The following EVC variants were observed in gnomAD, a reference collection of about 807,000 sequenced individuals.
The protein encoded by EVC is evC complex member EVC.
Under a neutral mutation model 118.9 loss-of-function variants are expected in EVC, and 116 were observed. The observed-to-expected ratio is 0.98, with a 90% confidence interval of 0.84 to 1.14. The LOEUF is 1.14. EVC is among the 50% of genes most tolerant of loss of function. The pLI, the probability that EVC is intolerant of heterozygous loss-of-function variation, is 0.00. For missense variants in EVC, 1,401 were observed against 1,246.4 expected (o/e 1.12, Z -1.87); for synonymous variants, 619 against 534.7 (o/e 1.16, Z -2.18).
the EVC span, among the ~76,000 whole-genome samples, chr4:5,827,122 C>A: frequency 6.6e-6 from 1 of 152,192 alleles, no homozygotes; most frequent in East Asian, 1.9e-4. Context: ...TGGGACCCCC[C>A]GATCCTATTG....
chr4:5,753,393 A>G (rs1730692899), intron 9 of EVC, among the ~76,000 whole-genome samples: 1 of 152,146 alleles, frequency 6.6e-6, no homozygotes, highest in South Asian at 2.1e-4. Context: ...AGAAATTTAC[A>G]CAAAGTGGTC....
chr4:5,772,342 C>T (rs528421715), intron 11 of EVC, among the ~76,000 whole-genome samples: 2 of 147,876 alleles, frequency 1.4e-5, no homozygotes, highest in Admixed American at 7.0e-5. Flanking sequence ...CAAAGAGGTA[C>T]GGGGGAGAGA....
At chr4:5,713,807 G>A (rs762038340) in intron 1 of EVC, among the ~76,000 whole-genome samples, 82 of 152,248 alleles carry the variant, frequency 5.4e-4, no homozygotes, top group Non-Finnish European at 9.9e-4. Context: ...GGAGGCTAAG[G>A]CAAGAGAATC....
At chr4:5,766,858 T>C (rs1193096011) in intron 11 of EVC, among the ~76,000 whole-genome samples, 5 of 151,774 alleles carry the variant, frequency 3.3e-5, no homozygotes, top group South Asian at 4.2e-4. Context: ...AATTTCCTCC[T>C]GTAGCTCAGA....
At position 5,756,698 on chromosome 4, in the gene EVC, G is replaced by A. The variant is rs1731229342; in HGVS notation, c.1563+336G>A. Among the ~76,000 whole-genome samples, 2 of 152,206 alleles carry A rather than the reference G, an allele frequency of 1.3e-5. No individual in the cohort carries two copies. Among genetic ancestry groups the A allele is most frequent in the African/African-American group, 2.4e-5 (1 of 41,454 alleles). Reference sequence around the variant, plus strand: ...TTTCTGGGTGTCATCAGTGTAAAGTGGTGATGAAGAAGGGGTTCTGGGCTG... The same window carrying A: ...TTTCTGGGTGTCATCAGTGTAAAGTAGTGATGAAGAAGGGGTTCTGGGCTG... On this transcript the variant is annotated intron_variant, in intron 11 of 20. Transcript: ENST00000264956. This position sits in a 1 kb window ranked among gnomAD's most constrained non-coding sequence, Gnocchi z 4.2.
intron 4 of EVC, among the ~76,000 whole-genome samples, chr4:5,732,392 T>C (rs572499110): frequency 8.2e-4 from 125 of 152,342 alleles, no homozygotes; most frequent in Non-Finnish European, 1.4e-3. Context: ...AGCCTGAAAG[T>C]GGCCCAGGCA....
At chr4:5,803,014 T>C (rs1052092224) in intron 16 of EVC, among the ~76,000 whole-genome samples, 4 of 152,184 alleles carry the variant, frequency 2.6e-5, no homozygotes, top group African/African-American at 9.7e-5. Flanking sequence ...GCAGTGACCA[T>C]GAGTCCAGTG....
At chr4:5,790,111 G>T (rs1203739980) in intron 12 of EVC, among the ~76,000 whole-genome samples, 1 of 150,406 alleles carries the variant, frequency 6.6e-6, no homozygotes, top group Non-Finnish European at 1.5e-5. Flanking sequence ...AACTCGGGAA[G>T]CGGAGGTTGC....
At chr4:5,828,807 C>CTG in the EVC span, 57,887 of 1,061,696 alleles carry the variant, frequency 0.055, 2,253 homozygotes, top group African/African-American at 0.16. Context: ...CTTTTATTGA[C>CTG]TGTAATATTC....
intron 11 of EVC, among the ~76,000 whole-genome samples, chr4:5,763,278 T>G (rs201012069): frequency 0.88 from 125,968 of 143,930 alleles, 55,477 homozygotes; most frequent in African/African-American, 0.97. Flanking sequence ...TTTGGTACAA[T>G]TACCATGCTG....
At chr4:5,716,923 G>A (rs143532105) in intron 1 of EVC, among the ~76,000 whole-genome samples, 3 of 152,248 alleles carry the variant, frequency 2.0e-5, no homozygotes, top group Non-Finnish European at 4.4e-5. Context: ...GAATCTTAAA[G>A]AACCTTTACC....
intron 11 of EVC, among the ~76,000 whole-genome samples, chr4:5,761,304 G>A (rs12502689): frequency 0.25 from 37,308 of 151,886 alleles, 4,841 homozygotes; most frequent in African/African-American, 0.32. Flanking sequence ...GATGAGCCCA[G>A]ATCTGGGTCC....
chr4:5,820,572 C>A, the EVC span, among the ~76,000 whole-genome samples: 1 of 152,256 alleles, frequency 6.6e-6, no homozygotes, highest in African/African-American at 2.4e-5. Flanking sequence ...GCCCATCAGC[C>A]GTCTTCCCTC....
chr4:5,729,815 T>C (rs1450753344), intron 3 of EVC, among the ~76,000 whole-genome samples: 2 of 152,192 alleles, frequency 1.3e-5, no homozygotes, highest in Non-Finnish European at 2.9e-5. Flanking sequence ...CTTGGTGTTA[T>C]GCCTATCAGG....
At chr4:5,718,042 T>C (rs543428450) in intron 1 of EVC, among the ~76,000 whole-genome samples, 1 of 152,330 alleles carries the variant, frequency 6.6e-6, no homozygotes, top group East Asian at 1.9e-4. Flanking sequence ...GATGTTTCTT[T>C]AGTGCAAAGA....
rs917404360 is a variant in EVC, at chr4:5,756,549, T to C, written c.1563+187T>C. ...TTGCCCACATCAGAAACCGAGGCAGTTGGCCTTGGTCCTCTCTGAGGCACC... is the reference window on the plus strand; with the variant it reads ...TTGCCCACATCAGAAACCGAGGCAGCTGGCCTTGGTCCTCTCTGAGGCACC... On this transcript the variant is annotated intron_variant, in intron 11 of 20. Coordinates refer to ENST00000264956, the MANE Select transcript of EVC (RefSeq NM_153717.3). The surrounding 1 kb of genome is among the most constrained non-coding windows in gnomAD (Gnocchi z 4.2). 1.3e-5 allele frequency among the ~76,000 whole-genome samples: 2 copies of C among 152,188 alleles called. No homozygotes were observed. Among genetic ancestry groups the C allele is most frequent in the Non-Finnish European group, 2.9e-5 (2 of 68,038 alleles).
chr4:5,741,238 C>T (rs1728519993), intron 5 of EVC, among the ~76,000 whole-genome samples: 1 of 152,190 alleles, frequency 6.6e-6, no homozygotes. Context: ...TCTGTACTTC[C>T]TGGGTATCCC....
At chr4:5,807,290 G>A (rs1176967495) in intron 17 of EVC, among the ~76,000 whole-genome samples, 1 of 152,186 alleles carries the variant, frequency 6.6e-6, no homozygotes, top group African/African-American at 2.4e-5. Context: ...AGGGATGGAT[G>A]ACAGCGTCTT....
chr4:5,810,425 G>T lies in EVC; in HGVS notation c.2869G>T (p.Gly957Trp). 1 of 1,612,614 alleles carries T rather than the reference G, an allele frequency of 6.2e-7. No homozygotes were observed. Among genetic ancestry groups the T allele is most frequent in the Non-Finnish European group, 8.5e-7 (1 of 1,179,560 alleles). The change falls in exon 20 of 21, where the codon GGG becomes TGG. Residue 957 changes from glycine to tryptophan, a missense_variant. Transcript: ENST00000264956. Reference sequence around the variant, plus strand: ...GCCCAACAATGAGGACCTTGCCTCCGGGGACCAGACCTCAGGCTCACTCAG... The same window carrying T: ...GCCCAACAATGAGGACCTTGCCTCCTGGGACCAGACCTCAGGCTCACTCAG... ...GVPNNEDLAS[G>W]DQTSGSLSSK...
Sources: gnomAD v4.1 joint callset for allele counts (sites outside exome capture counted in the v4.1 genomes callset) on GRCh38, gnomAD v4.1.1 for gene constraint, Gnocchi (gnomAD v3.1) non-coding constraint, MANE v1.5 for transcripts, NCBI Gene and HGNC (gene_info 2026-07-23, HGNC 2026-07-21) for gene names.